CUL5: variants seen among roughly 807,000 people sequenced by gnomAD.
CUL5 encodes cullin 5.
CUL5 carries 26 observed loss-of-function variants against 108.8 expected under a neutral mutation model. The ratio of observed to expected loss-of-function variants is 0.24; its 90% CI spans 0.18 to 0.33. The LOEUF (loss-of-function observed/expected upper bound fraction) is 0.33. CUL5 is among the 10% of genes least tolerant of loss of function. The probability of loss-of-function intolerance (pLI) is 1.00; values close to 1 mark genes in which losing one functional copy is unlikely to be tolerated. For synonymous variants in CUL5, 334 were observed against 298.0 expected (o/e 1.12, Z -1.25); for missense variants, 524 against 909.2 (o/e 0.58, Z 5.45).
rs765055076 is a variant in CUL5 at position 108,088,657 on chromosome 11, G to T, written c.1309G>T (p.Val437Leu). 6.3e-7 allele frequency: 1 copy of T among 1,575,120 alleles called. No individual in the cohort carries two copies. The highest frequency in any genetic ancestry group is 1.4e-5 in the African/African-American group (1 of 72,482). The change falls in exon 12 of 19, where the codon GTG (valine) becomes TTG (leucine). Residue 437 changes from valine (V) to leucine (L), a missense_variant and splice_region_variant. Val to Leu is a conservative substitution (Grantham distance 32, BLOSUM62 1). This residue lies in a region of CUL5 where 76 missense variants were observed against 168.3 expected (regional missense o/e 0.45). Transcript: ENST00000393094. ...SEEIEAKLKE[V>L]LLVLKYVQNK... ...AGAGATTGAAGCAAAGCTTAAAGAA[G>T]TGGTACATGAATTTTTTGTATTTCA...
intron 16 of CUL5, among the ~76,000 whole-genome samples, 189 bp downstream of exon 16, chr11:108,095,880 G>C (rs1003246779): frequency 5.9e-5 from 9 of 151,442 alleles, no homozygotes; most frequent in African/African-American, 1.9e-4. Context: ...CAGATCACTT[G>C]AGGTCAGGAG....
chr11:108,097,307 C>T (rs1441546420), intron 16 of CUL5, among the ~76,000 whole-genome samples: 2 of 152,336 alleles, frequency 1.3e-5, no homozygotes, highest in South Asian at 4.1e-4. Context: ...TGAGCCACTG[C>T]ACTTGGCCTG....
intron 1 of CUL5, among the ~76,000 whole-genome samples, chr11:108,023,959 G>A (rs1862391155): frequency 6.6e-6 from 1 of 152,156 alleles, no homozygotes; most frequent in Non-Finnish European, 1.5e-5. Context: ...GAAAAGAAAT[G>A]TCTTTTACGT....
intron 18 of CUL5, among the ~76,000 whole-genome samples, chr11:108,099,992 C>T (rs1565272176): frequency 6.6e-6 from 1 of 151,612 alleles, no homozygotes; most frequent in Non-Finnish European, 1.5e-5. Context: ...CGGCACCTGG[C>T]AGCTAGGCTG....
intron 2 of CUL5, among the ~76,000 whole-genome samples, chr11:108,044,045 T>C (rs1232492041): frequency 6.6e-6 from 1 of 152,218 alleles, no homozygotes; most frequent in East Asian, 1.9e-4. Context: ...ATAAATAGTA[T>C]CTGGCACATG....
chr11:108,080,729 T>G (rs1381808494), intron 11 of CUL5, among the ~76,000 whole-genome samples: 1 of 152,018 alleles, frequency 6.6e-6, no homozygotes, highest in Non-Finnish European at 1.5e-5. Context: ...TTTCTCTTTG[T>G]TGTTGAGTTG....
chr11:108,094,356 T>G, intron 13 of CUL5, 35 bp from the exon 14 acceptor site: 1 of 1,495,120 alleles, frequency 6.7e-7, no homozygotes, highest in Non-Finnish European at 9.1e-7. Flanking sequence ...GATTATGTAT[T>G]TATTACCTCT....
chr11:108,058,585 A>G lies in CUL5; in HGVS notation c.780+3630A>G, dbSNP rs574888924. Among the ~76,000 whole-genome samples the G allele has an allele frequency of 7.9e-5, 12 of 151,736 alleles. No homozygotes were observed. The South Asian group carries it at 2.5e-3, about 32-fold the overall frequency. ...TTTTTTTTTAAATGAAGTAAGAGTA[A>G]TACTATAGAGTGTATTGGTGGTGGT... On this transcript the variant is annotated intron_variant, in intron 7 of 18. Transcript: ENST00000393094.
At chr11:108,079,673 C>A (rs576048492) in intron 11 of CUL5, among the ~76,000 whole-genome samples, 39 of 152,286 alleles carry the variant, frequency 2.6e-4, no homozygotes, top group Non-Finnish European at 4.6e-4. Context: ...TGACAAATGC[C>A]TATACCCCTA....
At chr11:108,033,479 C>T (rs565902606) in intron 1 of CUL5, among the ~76,000 whole-genome samples, 1 of 152,292 alleles carries the variant, frequency 6.6e-6, no homozygotes, top group Non-Finnish European at 1.5e-5. Flanking sequence ...CAGTATGACC[C>T]AAGGCCTCCC....
intron 1 of CUL5, among the ~76,000 whole-genome samples, chr11:108,032,904 T>G (rs1185118964): frequency 6.6e-6 from 1 of 152,178 alleles, no homozygotes; most frequent in Non-Finnish European, 1.5e-5. Flanking sequence ...TCCAATATAC[T>G]TTTTGTGAGT....
chr11:108,057,063 G>A (rs752305845), intron 7 of CUL5, among the ~76,000 whole-genome samples: 1 of 152,180 alleles, frequency 6.6e-6, no homozygotes, highest in Non-Finnish European at 1.5e-5. Context: ...AAATTGTTCT[G>A]ATCTCCTACT....
intron 11 of CUL5, among the ~76,000 whole-genome samples, chr11:108,080,517 T>C (rs1289303848): frequency 6.6e-6 from 1 of 152,174 alleles, no homozygotes; most frequent in Non-Finnish European, 1.5e-5. Context: ...TGCCTCAGCC[T>C]CCTGAGTAGC....
intron 2 of CUL5, among the ~76,000 whole-genome samples, chr11:108,035,686 T>C (rs552190319): frequency 4.3e-4 from 65 of 152,004 alleles, no homozygotes; most frequent in Admixed American, 3.1e-3. Flanking sequence ...GCTTGCTGCA[T>C]TGAGGCTGCA....
chr11:108,035,647 G>A (rs1862719768), intron 2 of CUL5, among the ~76,000 whole-genome samples: 1 of 152,004 alleles, frequency 6.6e-6, no homozygotes, highest in African/African-American at 2.4e-5. Context: ...AGCTGAGGTG[G>A]GAGGATTGCT....
Position 108,090,769 on chromosome 11 carries a change from G to GGA in CUL5, c.1443+1158_1443+1159dup, listed in dbSNP as rs1157406187. ...TATATAACTCTCTCCACATATATATGGAGAGAGAGAGAGTGCGAGCAAGCA... is the reference window on the plus strand; with the variant it reads ...TATATAACTCTCTCCACATATATATGGAGAGAGAGAGAGAGTGCGAGCAAGCA... On this transcript the variant is annotated intron_variant, in intron 13 of 18. Transcript: ENST00000393094. 8.6e-5 allele frequency among the ~76,000 whole-genome samples: 13 copies of GGA among 151,612 alleles called. No homozygotes were observed. In the South Asian group the frequency reaches 1.9e-3, roughly 22 times the overall value.
Position 108,105,198 on chromosome 11 carries a change from A to G in CUL5, c.*814A>G, listed in dbSNP as rs1212478602. 1 of 152,206 alleles carries G rather than the reference A, an allele frequency of 6.6e-6. No homozygotes were observed. The highest frequency in any genetic ancestry group is 2.1e-4 in the South Asian group (1 of 4,830). The allele number at this position is 152,206 out of a possible 1,614,324, so 9.4% of individuals were successfully genotyped here. On this transcript the variant is annotated 3_prime_UTR_variant, in exon 19 of 19. Coordinates refer to ENST00000393094, the MANE Select transcript of CUL5 (RefSeq NM_003478.6). The stretch of plus-strand genomic sequence containing the variant: ...TATGATTGCAGAGCCAAAATAGCAA[A>G]ACAAACATATTAAGTGTGTTTACTA...
At chr11:108,060,672 C>T (rs527347643) in intron 7 of CUL5, among the ~76,000 whole-genome samples, 2 of 152,036 alleles carry the variant, frequency 1.3e-5, no homozygotes, top group Admixed American at 1.3e-4. Context: ...CCTGTTTCTA[C>T]TAAAAATACA....
chr11:108,096,564 CTTTTTTTTTTTTTT>C (rs71047671), intron 16 of CUL5, among the ~76,000 whole-genome samples: 2 of 45,864 alleles, frequency 4.4e-5, no homozygotes, highest in East Asian at 1.5e-3. Flanking sequence ...CAGCTATGTA[CTTTTTTTTTTTTTT>C]TTTTTTTTTT....
Sources: gnomAD v4.1 joint callset for allele counts (sites outside exome capture counted in the v4.1 genomes callset) on GRCh38, gnomAD v4.1.1 for gene constraint, gnomAD v4.1.1 regional missense constraint, MANE v1.5 for transcripts, NCBI Gene and HGNC (gene_info 2026-07-23, HGNC 2026-07-21) for gene names.